The following CCSER1 variants were observed in gnomAD, a reference collection of about 807,000 sequenced individuals.
The protein encoded by CCSER1 is coiled-coil serine rich protein 1, also known as serine-rich coiled-coil domain-containing protein 1.
CCSER1 carries 41 observed loss-of-function variants against 82.0 expected under a neutral mutation model. That is an observed-to-expected ratio of 0.50 (90% CI 0.39 to 0.65). The LOEUF is 0.65. CCSER1 is among the 30% of genes least tolerant of loss of function. The pLI, the probability that CCSER1 is intolerant of heterozygous loss-of-function variation, is 0.00. For missense variants in CCSER1, 1,119 were observed against 1,064.2 expected (o/e 1.05, Z -0.72); for synonymous variants, 414 against 383.9 (o/e 1.08, Z -0.92).
intron 6 of CCSER1, among the ~76,000 whole-genome samples, chr4:90,701,847 T>C (rs1379889814): frequency 6.6e-6 from 1 of 152,232 alleles, no homozygotes; most frequent in Non-Finnish European, 1.5e-5. Flanking sequence ...TTGCTGAAGT[T>C]GCTTATCAGC....
At chr4:90,169,733 T>C (rs1731269317) in intron 1 of CCSER1, among the ~76,000 whole-genome samples, 1 of 152,084 alleles carries the variant, frequency 6.6e-6, no homozygotes, top group Admixed American at 6.6e-5. Flanking sequence ...CCATTCTCAC[T>C]ACATGCTTAA....
At chr4:90,438,144 A>G (rs1342203260) in intron 4 of CCSER1, among the ~76,000 whole-genome samples, 1 of 152,194 alleles carries the variant, frequency 6.6e-6, no homozygotes, top group Non-Finnish European at 1.5e-5. Flanking sequence ...CAGGTGTTAT[A>G]TCATTGATGT....
intron 1 of CCSER1, among the ~76,000 whole-genome samples, chr4:90,208,231 G>A (rs1273482766): frequency 6.6e-6 from 1 of 152,190 alleles, no homozygotes; most frequent in Non-Finnish European, 1.5e-5. Flanking sequence ...AGGCAGTCTG[G>A]CTACAGTGGT....
chr4:91,585,951 C>T (rs1763970349), intron 10 of CCSER1, among the ~76,000 whole-genome samples: 2 of 151,584 alleles, frequency 1.3e-5, no homozygotes, highest in South Asian at 4.1e-4. Flanking sequence ...AAAAAATTAT[C>T]CCTCTTTTGT....
At chr4:90,293,157 C>A (rs1731238028) in intron 1 of CCSER1, among the ~76,000 whole-genome samples, 1 of 151,562 alleles carries the variant, frequency 6.6e-6, no homozygotes, top group Non-Finnish European at 1.5e-5. Context: ...TTCTACAAAG[C>A]AGTACAGTTT....
intron 1 of CCSER1, among the ~76,000 whole-genome samples, chr4:90,136,978 C>A (rs1723811300): frequency 6.6e-6 from 1 of 152,070 alleles, no homozygotes; most frequent in South Asian, 2.1e-4. Context: ...TTAGAGGTAA[C>A]AAAACCCCAC....
At chr4:91,595,755 T>G (rs976752008) in intron 10 of CCSER1, among the ~76,000 whole-genome samples, 4 of 151,924 alleles carry the variant, frequency 2.6e-5, no homozygotes, top group African/African-American at 7.2e-5. Flanking sequence ...CATTTGGGTC[T>G]TATATGAACA....
At chr4:90,651,553 G>A (rs1579723070) in intron 6 of CCSER1, among the ~76,000 whole-genome samples, 2 of 152,294 alleles carry the variant, frequency 1.3e-5, no homozygotes, top group African/African-American at 2.4e-5. Flanking sequence ...GTGGGGGATA[G>A]GGGAGGGATA....
chr4:90,520,799 A>C (rs1464015931), intron 5 of CCSER1, among the ~76,000 whole-genome samples: 3 of 152,174 alleles, frequency 2.0e-5, no homozygotes, highest in Non-Finnish European at 4.4e-5. Flanking sequence ...TGAAACCTGG[A>C]GCAGTGGCAT....
chr4:91,062,391 A>AT (rs989804876), intron 9 of CCSER1, among the ~76,000 whole-genome samples: 2 of 152,044 alleles, frequency 1.3e-5, no homozygotes, highest in African/African-American at 4.8e-5. Context: ...GATCTGGCTC[A>AT]TTGTACAGAT....
intron 9 of CCSER1, among the ~76,000 whole-genome samples, chr4:90,975,940 T>A (rs1460946588): frequency 1.3e-5 from 2 of 151,306 alleles, no homozygotes; most frequent in Non-Finnish European, 3.0e-5. Context: ...AAGAGACCTT[T>A]ACTGGGAATT....
At chr4:90,518,008 A>G (rs1178927996) in intron 5 of CCSER1, among the ~76,000 whole-genome samples, 1 of 152,116 alleles carries the variant, frequency 6.6e-6, no homozygotes, top group Admixed American at 6.6e-5. Flanking sequence ...CATTAAAAAA[A>G]ACATAATATG....
intron 10 of CCSER1, among the ~76,000 whole-genome samples, chr4:91,516,881 G>C (rs1031889771): frequency 6.6e-6 from 1 of 152,018 alleles, no homozygotes; most frequent in Admixed American, 6.6e-5. Flanking sequence ...TGATTTCTCG[G>C]AAGAGTATTT....
intron 5 of CCSER1, among the ~76,000 whole-genome samples, chr4:90,479,445 T>C (rs945152084): frequency 6.6e-6 from 1 of 152,122 alleles, no homozygotes; most frequent in South Asian, 2.1e-4. Flanking sequence ...TTGTTACATA[T>C]ATACATGTGC....
intron 4 of CCSER1, among the ~76,000 whole-genome samples, chr4:90,438,806 A>G (rs1306451308): frequency 6.6e-6 from 1 of 151,806 alleles, no homozygotes; most frequent in Middle Eastern, 3.2e-3. Flanking sequence ...CTATCTATCT[A>G]TCTACTTTCT....
At chr4:90,465,931 G>A (rs1426497188) in intron 4 of CCSER1, among the ~76,000 whole-genome samples, 2 of 152,016 alleles carry the variant, frequency 1.3e-5, no homozygotes, top group African/African-American at 4.8e-5. Context: ...TGTAAAAAGA[G>A]GACTGAATAT....
At chr4:91,155,962 CATT>C (rs934661637) in intron 10 of CCSER1, among the ~76,000 whole-genome samples, 1 of 151,638 alleles carries the variant, frequency 6.6e-6, no homozygotes, top group African/African-American at 2.4e-5. Context: ...ATATAATTTA[CATT>C]ATTATTATTT....
chr4:90,265,670 A>T (rs1054419670), intron 1 of CCSER1, among the ~76,000 whole-genome samples: 4 of 152,068 alleles, frequency 2.6e-5, no homozygotes, highest in African/African-American at 9.7e-5. Flanking sequence ...CGAAGAGGAG[A>T]TATTTCATAC....
intron 8 of CCSER1, among the ~76,000 whole-genome samples, chr4:90,820,514 C>T (rs919315147): frequency 5.9e-5 from 9 of 151,998 alleles, no homozygotes; most frequent in Non-Finnish European, 1.2e-4. Flanking sequence ...CCTGCAAGCC[C>T]GTTTTATAGC....
Sources: gnomAD v4.1 joint callset for allele counts (sites outside exome capture counted in the v4.1 genomes callset) on GRCh38, gnomAD v4.1.1 for gene constraint, MANE v1.5 for transcripts, NCBI Gene and HGNC (gene_info 2026-07-23, HGNC 2026-07-21) for gene names.